SLC39A10: variants seen among roughly 807,000 people sequenced by gnomAD.
SLC39A10 encodes zinc transporter ZIP10.
In SLC39A10, 13 loss-of-function variants were observed where a neutral mutation model predicts 65.1. The ratio of observed to expected loss-of-function variants is 0.20; its 90% confidence interval spans 0.13 to 0.32. SLC39A10 has a LOEUF of 0.32. Among genes scored for constraint, SLC39A10 ranks in the 10% least tolerant of loss-of-function variants. The probability of loss-of-function intolerance (pLI) is 1.00; values close to 1 mark genes in which losing one functional copy is unlikely to be tolerated. For synonymous variants in SLC39A10, 321 were observed against 342.2 expected (o/e 0.94, Z 0.68); for missense variants, 831 against 1,018.4 (o/e 0.82, Z 2.50).
intron 2 of SLC39A10, among the ~76,000 whole-genome samples, chr2:195,644,139 A>G (rs1398659045): frequency 1.1e-5 from 1 of 90,618 alleles, no homozygotes; most frequent in Non-Finnish European, 2.1e-5. Flanking sequence ...TTAAATGTAC[A>G]TTCATTTTTT....
intron 8 of SLC39A10, among the ~76,000 whole-genome samples, chr2:195,721,059 A>C (rs531734841): frequency 6.6e-6 from 1 of 152,144 alleles, no homozygotes; most frequent in African/African-American, 2.4e-5. Flanking sequence ...CTTCTACCTC[A>C]GCCTCCTGAG....
chr2:195,676,782 A>G (rs1405596053), intron 1 of SLC39A10, among the ~76,000 whole-genome samples: 6 of 152,178 alleles, frequency 3.9e-5, no homozygotes, highest in African/African-American at 1.4e-4. Context: ...GAGTTTTTGA[A>G]TGTGCTTATG....
At chr2:195,625,524 G>T (rs984275528) in intron 2 of SLC39A10, among the ~76,000 whole-genome samples, 2 of 151,898 alleles carry the variant, frequency 1.3e-5, no homozygotes, top group Non-Finnish European at 2.9e-5. Context: ...TGATCCGCCC[G>T]CCTCGGCCTC....
chr2:195,678,189 C>G (rs1345092047), intron 1 of SLC39A10, among the ~76,000 whole-genome samples: 2 of 152,218 alleles, frequency 1.3e-5, no homozygotes, highest in Non-Finnish European at 2.9e-5. Context: ...TCTGGCAGAT[C>G]TTGCCAAACA....
At position 195,680,990 on chromosome 2, in the gene SLC39A10, T is replaced by C. The variant is rs750612411; in HGVS notation, c.948T>C (p.Val316=). 4.3e-6 allele frequency: 7 copies of C among 1,613,760 alleles called. No individual in the cohort carries two copies. The highest frequency in any genetic ancestry group is 5.9e-6 in the Non-Finnish European group (7 of 1,179,882). ...CTAGAAAGAGAGAAGCACCACATGT[T>C]AAAAATAATGCAATAATTTCTTTGA... ...RHTRKREAPH[V]KNNAIISLRK... Residue 316 remains valine (V), a synonymous_variant, in exon 2 of 10, where the codon GTT becomes GTC. Coordinates refer to ENST00000359634, the MANE Select transcript of SLC39A10 (RefSeq NM_020342.3).
chr2:195,648,426 C>A (rs1033925929), intron 2 of SLC39A10, among the ~76,000 whole-genome samples: 1 of 152,078 alleles, frequency 6.6e-6, no homozygotes, highest in African/African-American at 2.4e-5. Context: ...ACCTGTAATT[C>A]CAACACTTTG....
rs1018771565 is a variant in SLC39A10, at chr2:195,728,439, A to G, written c.2337+90A>G. On this transcript the variant is annotated intron_variant, in intron 9 of 9. Coordinates refer to ENST00000359634, the MANE Select transcript of SLC39A10 (RefSeq NM_020342.3). This position sits in a 1 kb window ranked among gnomAD's most constrained non-coding sequence, Gnocchi z 4.4. ...TTGAAGCCAAACTATTTTTGAAAATATAACTCATTTTAAAGACATAATATC... is the reference window on the plus strand; with the variant it reads ...TTGAAGCCAAACTATTTTTGAAAATGTAACTCATTTTAAAGACATAATATC... 15 of 1,250,388 alleles carry G rather than the reference A, an allele frequency of 1.2e-5. No individual in the cohort carries two copies. The African/African-American group carries it at 2.1e-4, about 17-fold the overall frequency. 77.5% of individuals were successfully genotyped at this position (1,250,388 alleles called of 1,614,324 possible).
At position 195,718,149 on chromosome 2, in the gene SLC39A10, G is replaced by A. The variant is rs1465655397; in HGVS notation, c.2066-103G>A. ...GATAAGTGAGTCACTCATATGTTAA[G>A]AAATTAATTTAGATAGGCAAAAGAA... is the stretch of plus-strand genomic sequence containing the variant. On this transcript the variant is annotated intron_variant, in intron 7 of 9. Coordinates refer to ENST00000359634, the MANE Select transcript of SLC39A10 (RefSeq NM_020342.3). The A allele has an allele frequency of 6.9e-6, 6 of 868,716 alleles. No homozygotes were observed. The Admixed American group carries it at 1.2e-4, about 17-fold the overall frequency. 53.8% of individuals were successfully genotyped at this position (868,716 alleles called of 1,614,324 possible).
intron 1 of SLC39A10, among the ~76,000 whole-genome samples, chr2:195,678,387 T>C (rs1331517536): frequency 1.3e-5 from 2 of 152,206 alleles, no homozygotes; most frequent in East Asian, 3.8e-4. Flanking sequence ...CATATTTTCA[T>C]TTGCTTTTTA....
chr2:195,675,588 T>G (rs1037215065), intron 1 of SLC39A10, among the ~76,000 whole-genome samples: 3 of 152,158 alleles, frequency 2.0e-5, no homozygotes, highest in African/African-American at 7.2e-5. Context: ...CCCGTCACCA[T>G]GCCTGGCTAA....
chr2:195,697,299 G>A (rs1169185945), intron 3 of SLC39A10, among the ~76,000 whole-genome samples: 1 of 152,124 alleles, frequency 6.6e-6, no homozygotes, highest in South Asian at 2.1e-4. Flanking sequence ...TCTGTAGGGG[G>A]GTACTAGAAC....
chr2:195,676,290 A>G (rs773018836), intron 1 of SLC39A10, among the ~76,000 whole-genome samples: 1 of 151,308 alleles, frequency 6.6e-6, no homozygotes, highest in Non-Finnish European at 1.5e-5. Flanking sequence ...CCCGAGTTCA[A>G]GCAATTCTCC....
Position 195,737,648 on chromosome 2 carries a change from G to C in SLC39A10, c.*2607G>C. On this transcript the variant is annotated 3_prime_UTR_variant, in exon 10 of 10. Transcript: ENST00000359634. Reference sequence around the variant, plus strand: ...AACAGTGGTGTGTCATTTTATGTATGTTCCTAATGCTTATGGAACTCCTCC... The same window carrying C: ...AACAGTGGTGTGTCATTTTATGTATCTTCCTAATGCTTATGGAACTCCTCC... 1 of 247,292 alleles carries C rather than the reference G, an allele frequency of 4.0e-6. No homozygotes were observed. The highest frequency in any genetic ancestry group is 7.9e-5 in the East Asian group (1 of 12,582). 15.3% of individuals were successfully genotyped at this position (247,292 alleles called of 1,614,324 possible).
Position 195,735,883 on chromosome 2 carries a change from A to C in SLC39A10, c.*842A>C, listed in dbSNP as rs1674849009. 6.7e-6 allele frequency: 1 copy of C among 149,560 alleles called. No homozygotes were observed. Among genetic ancestry groups the C allele is most frequent in the Non-Finnish European group, 1.5e-5 (1 of 67,728 alleles). 9.3% of individuals were successfully genotyped at this position (149,560 alleles called of 1,614,324 possible). A position where few individuals can be genotyped will look rare whatever the true frequency, so the allele number is the denominator to read the frequency against. Reference sequence around the variant, plus strand: ...TTTTTAAAAAATTGTAACCCTCTAGAAAATATCAAAGAAATGAACCAGACG... The same window carrying C: ...TTTTTAAAAAATTGTAACCCTCTAGCAAATATCAAAGAAATGAACCAGACG... On this transcript the variant is annotated 3_prime_UTR_variant, in exon 10 of 10. Coordinates refer to ENST00000359634, the MANE Select transcript of SLC39A10 (RefSeq NM_020342.3).
At chr2:195,732,010 A>G (rs1308301189) in intron 9 of SLC39A10, among the ~76,000 whole-genome samples, 1 of 152,238 alleles carries the variant, frequency 6.6e-6, no homozygotes, top group Non-Finnish European at 1.5e-5. Context: ...GTTCAAGAGA[A>G]AGGGAAGAAA....
At chr2:195,698,095 C>T (rs535054809) in intron 3 of SLC39A10, among the ~76,000 whole-genome samples, 1 of 151,872 alleles carries the variant, frequency 6.6e-6, no homozygotes, top group East Asian at 1.9e-4. Context: ...CATTCTAATA[C>T]TTTTTTGTGT....
intron 2 of SLC39A10, among the ~76,000 whole-genome samples, chr2:195,619,114 A>AAAAAGAGAG (rs1553490931): frequency 7.6e-6 from 1 of 131,926 alleles, no homozygotes; most frequent in African/African-American, 3.2e-5. Context: ...AAAAAAAAAA[A>AAAAAGAGAG]AGAGAGAGAG....
At chr2:195,626,121 A>G (rs1464841697) in intron 2 of SLC39A10, among the ~76,000 whole-genome samples, 3 of 152,296 alleles carry the variant, frequency 2.0e-5, no homozygotes, top group Non-Finnish European at 1.5e-5. Flanking sequence ...CTCTTAATTT[A>G]AGTATATATG....
At chr2:195,687,390 A>G (rs1445075247) in intron 3 of SLC39A10, among the ~76,000 whole-genome samples, 2 of 152,020 alleles carry the variant, frequency 1.3e-5, no homozygotes, top group Non-Finnish European at 2.9e-5. Context: ...TATGACTTTT[A>G]ATGAGAGTTG....
Sources: allele counts gnomAD v4.1 joint callset (sites outside exome capture counted in the v4.1 genomes callset), GRCh38; gene constraint gnomAD v4.1.1; non-coding constraint Gnocchi (gnomAD v3.1); transcripts MANE v1.5; gene names NCBI Gene and HGNC (gene_info 2026-07-23, HGNC 2026-07-21).